FARSB: variants seen among roughly 807,000 people sequenced by gnomAD.
FARSB encodes the protein phenylalanine--tRNA ligase beta subunit.
Under a neutral mutation model 69.6 loss-of-function variants are expected in FARSB, and 40 were observed. That is an observed-to-expected ratio of 0.57 (90% CI 0.45 to 0.75). The LOEUF is 0.75. Ranked by LOEUF, FARSB falls within the 30% of genes least tolerant of loss-of-function variation. FARSB has a pLI of 0.00. For missense variants in FARSB, 632 were observed against 722.9 expected, an observed-to-expected ratio of 0.87 and a Z score of 1.44; for synonymous variants, 235 against 247.2, an observed-to-expected ratio of 0.95 and a Z score of 0.46.
At chr2:222,641,483 A>G (rs1199903327) in intron 3 of FARSB, among the ~76,000 whole-genome samples, 2 of 152,256 alleles carry the variant, frequency 1.3e-5, no homozygotes, top group African/African-American at 2.4e-5. Flanking sequence ...TCAAATTTCA[A>G]TGTGCTTACA....
chr2:222,646,295 C>G (rs1691854747), intron 2 of FARSB, among the ~76,000 whole-genome samples: 1 of 152,028 alleles, frequency 6.6e-6, no homozygotes, highest in African/African-American at 2.4e-5. Context: ...ACAATTTTAT[C>G]CCTTAGAACC....
rs147962593 is a variant in FARSB, at chr2:222,574,952, G to A, written c.1619-2930C>T. Among the ~76,000 whole-genome samples the A allele has an allele frequency of 6.0e-3, 908 of 152,272 alleles. 11 individuals are homozygous for A. The highest frequency in any genetic ancestry group is 0.02 in the African/African-American group (849 of 41,554). ...TAGAAATACTGAAGGAAAATATAAC[G>A]TTACTAAAACAGAAGTATTTCTTAG... On this transcript the variant is annotated intron_variant, in intron 16 of 16. Coordinates refer to ENST00000281828, the MANE Select transcript of FARSB (RefSeq NM_005687.5).
intron 13 of FARSB, 114 bp from the exon 14 acceptor site, chr2:222,619,851 AG>A: frequency 1.7e-6 from 1 of 584,030 alleles, no homozygotes; most frequent in Non-Finnish European, 3.1e-6. Flanking sequence ...TACACATATC[AG>A]CAAGTTAAGA....
At chr2:222,630,009 G>A in intron 9 of FARSB, 104 bp downstream of exon 9, 3 of 708,976 alleles carry the variant, frequency 4.2e-6, no homozygotes, top group Non-Finnish European at 7.3e-6. Flanking sequence ...CCAAAGTGCT[G>A]GGATTATAGG....
chr2:222,641,433 T>C (rs1559215267), intron 3 of FARSB, among the ~76,000 whole-genome samples: 1 of 152,206 alleles, frequency 6.6e-6, no homozygotes. Flanking sequence ...ACTCTTATCA[T>C]AGGGAGAAGT....
rs1689691782 is a variant in FARSB, at chr2:222,570,211, T to TA, written c.*1659dup. ...TGTTTGCTCAACTCTTGCACATTTT[T>TA]AAAAAACAGTTGTTTTATTTTTACT... On this transcript the variant is annotated 3_prime_UTR_variant, in exon 17 of 17. Coordinates refer to ENST00000281828, the MANE Select transcript of FARSB (RefSeq NM_005687.5). Among the ~76,000 whole-genome samples, 1 of 152,344 alleles carries TA rather than the reference T, an allele frequency of 6.6e-6. No homozygotes were observed. Among genetic ancestry groups the TA allele is most frequent in the East Asian group, 1.9e-4 (1 of 5,190 alleles).
At chr2:222,597,484 T>A (rs962260247) in intron 16 of FARSB, among the ~76,000 whole-genome samples, 2 of 152,094 alleles carry the variant, frequency 1.3e-5, no homozygotes, top group Non-Finnish European at 2.9e-5. Flanking sequence ...GACATCTACA[T>A]GTTAGGAAAC....
At chr2:222,606,831 G>A (rs1414361275) in intron 15 of FARSB, among the ~76,000 whole-genome samples, 1 of 152,188 alleles carries the variant, frequency 6.6e-6, no homozygotes, top group Non-Finnish European at 1.5e-5. Context: ...AAAGAGCAGA[G>A]TCTTCCAGAG....
chr2:222,598,152 T>G (rs1312865548), intron 16 of FARSB, among the ~76,000 whole-genome samples: 1 of 152,212 alleles, frequency 6.6e-6, no homozygotes, highest in African/African-American at 2.4e-5. Context: ...AAGTTGCACT[T>G]TCTTCCTCTT....
chr2:222,638,010 T>C (rs2106234137), intron 5 of FARSB, among the ~76,000 whole-genome samples: 1 of 150,256 alleles, frequency 6.7e-6, no homozygotes. Context: ...AAAAGATCAA[T>C]AAAACTGATA....
Position 222,609,745 on chromosome 2 carries a change from T to C in FARSB, c.1462+4066A>G, listed in dbSNP as rs532185423. Among the ~76,000 whole-genome samples, 11 of 152,246 alleles carry C rather than the reference T, an allele frequency of 7.2e-5. No homozygotes were observed. The South Asian group carries it at 1.9e-3, about 26-fold the overall frequency. Reference sequence around the variant, plus strand: ...GCCTGACGGCCTCATACAACACGGATGGTCAGTCAAAAAAGTCTACATTAG... The same window carrying C: ...GCCTGACGGCCTCATACAACACGGACGGTCAGTCAAAAAAGTCTACATTAG... On this transcript the variant is annotated intron_variant, in intron 15 of 16. Coordinates refer to ENST00000281828, the MANE Select transcript of FARSB (RefSeq NM_005687.5).
intron 2 of FARSB, among the ~76,000 whole-genome samples, chr2:222,648,296 T>C (rs1574956106): frequency 2.6e-5 from 4 of 152,232 alleles, no homozygotes; most frequent in South Asian, 2.1e-4. Flanking sequence ...ATGAATATAG[T>C]AATGCATTAG....
In FARSB at chr2:222,571,705, C is replaced by A; in HGVS notation, c.*166G>T. The A allele has an allele frequency of 1.7e-6, 1 of 601,718 alleles. No individual in the cohort carries two copies. Among genetic ancestry groups the A allele is most frequent in the Non-Finnish European group, 2.9e-6 (1 of 345,502 alleles). The allele number at this position is 601,718 out of a possible 1,614,324, so 37.3% of individuals were successfully genotyped here. A position where few individuals can be genotyped will look rare whatever the true frequency, so the allele number is the denominator to read the frequency against. On this transcript the variant is annotated 3_prime_UTR_variant, in exon 17 of 17. Coordinates refer to ENST00000281828, the MANE Select transcript of FARSB (RefSeq NM_005687.5). ...ACACTGGTATATGGCACAAGCTGGC[C>A]TAATATGCAGGGAAAGGATGGTCTC...
At chr2:222,597,987 T>G (rs925851350) in intron 16 of FARSB, among the ~76,000 whole-genome samples, 1 of 152,198 alleles carries the variant, frequency 6.6e-6, no homozygotes, top group Non-Finnish European at 1.5e-5. Context: ...CCTCACCCTA[T>G]AGCCAAACCA....
intron 5 of FARSB, among the ~76,000 whole-genome samples, chr2:222,635,857 A>T (rs1240435809): frequency 6.6e-6 from 1 of 152,208 alleles, no homozygotes; most frequent in Non-Finnish European, 1.5e-5. Context: ...AGGCAGCAAG[A>T]CTGCTTGAGC....
chr2:222,630,025 G>C (rs1691376549), intron 9 of FARSB, 88 bp downstream of exon 9: 3 of 795,330 alleles, frequency 3.8e-6, no homozygotes, highest in Non-Finnish European at 2.1e-6. Flanking sequence ...ATAGGTGTGA[G>C]CCACCGCACC....
chr2:222,599,951 C>G lies in FARSB; in HGVS notation c.1595G>C (p.Gly532Ala), dbSNP rs1016325037. 3.7e-6 allele frequency: 6 copies of G among 1,601,232 alleles called. No individual in the cohort carries two copies. The African/African-American group carries it at 8.1e-5, about 22-fold the overall frequency. The change falls in exon 16 of 17, where the codon GGA (glycine) becomes GCA (alanine). Residue 532 changes from glycine to alanine, a missense_variant. By Grantham distance (60) the Gly-to-Ala change is moderately conservative (BLOSUM62 0). Transcript: ENST00000281828. ...ACCTTCTGATGCTTTGATCACATAT[C>G]CCCCCTTGTCTTCACCAGGAGGCAC... Reference protein sequence around the residue: ...LDVPPGEDKGGYVIKASEGPA... With the variant: ...LDVPPGEDKGAYVIKASEGPA...
chr2:222,626,418 C>T (rs528373426), intron 10 of FARSB, among the ~76,000 whole-genome samples: 70 of 151,972 alleles, frequency 4.6e-4, no homozygotes, highest in Non-Finnish European at 8.5e-4. Context: ...TAACAAAACA[C>T]AAGAAAAAAA....
At chr2:222,645,551 A>G (rs1234275010) in intron 2 of FARSB, among the ~76,000 whole-genome samples, 1 of 152,142 alleles carries the variant, frequency 6.6e-6, no homozygotes, top group Non-Finnish European at 1.5e-5. Flanking sequence ...ATAGGTGAAG[A>G]TAGAAGGCTT....
Sources: allele counts gnomAD v4.1 joint callset (sites outside exome capture counted in the v4.1 genomes callset), GRCh38; gene constraint gnomAD v4.1.1; transcripts MANE v1.5; gene names NCBI Gene and HGNC (gene_info 2026-07-23, HGNC 2026-07-21).